The following ITGBL1 variants were observed in gnomAD, a reference collection of about 807,000 sequenced individuals.
ITGBL1 encodes integrin beta-like protein 1.
In ITGBL1, 51 loss-of-function variants were observed where a neutral mutation model predicts 68.5. The ratio of observed to expected loss-of-function variants is 0.74; its 90% CI spans 0.59 to 0.94. The LOEUF is 0.94. Among genes scored for constraint, ITGBL1 ranks in the 40% least tolerant of loss-of-function variants. The pLI, the probability that ITGBL1 is intolerant of heterozygous loss-of-function variation, is 0.00. For synonymous variants in ITGBL1, 209 were observed against 227.3 expected (o/e 0.92, Z 0.72); for missense variants, 649 against 647.4 (o/e 1.00, Z -0.03).
At chr13:101,643,198 A>C (rs1228520203) in intron 7 of ITGBL1, among the ~76,000 whole-genome samples, 1 of 151,488 alleles carries the variant, frequency 6.6e-6, no homozygotes, top group Non-Finnish European at 1.5e-5. Context: ...ACCCATGAGC[A>C]TGGAATGTTC....
chr13:101,641,446 CTATT>C (rs1204872110), intron 7 of ITGBL1, among the ~76,000 whole-genome samples: 6 of 151,612 alleles, frequency 4.0e-5, no homozygotes, highest in East Asian at 3.8e-4. Flanking sequence ...TTTTGATTGT[CTATT>C]TATGTCATTG....
intron 2 of ITGBL1, among the ~76,000 whole-genome samples, chr13:101,466,788 T>C (rs566185790): frequency 2.0e-5 from 3 of 152,344 alleles, no homozygotes; most frequent in East Asian, 3.9e-4. Context: ...CCTGGAGCTC[T>C]GCTTTGTATG....
intron 7 of ITGBL1, among the ~76,000 whole-genome samples, chr13:101,671,619 T>C (rs2033377432): frequency 6.6e-6 from 1 of 150,804 alleles, no homozygotes; most frequent in African/African-American, 2.4e-5. Flanking sequence ...TTTGTATTTT[T>C]AGTAGAGGCG....
chr13:101,701,384 T>C (rs977203906), intron 8 of ITGBL1, among the ~76,000 whole-genome samples: 1 of 151,924 alleles, frequency 6.6e-6, no homozygotes, highest in Non-Finnish European at 1.5e-5. Flanking sequence ...AATACAAAAA[T>C]TAGCTGGGCG....
intron 7 of ITGBL1, among the ~76,000 whole-genome samples, chr13:101,640,631 A>T (rs1308222644): frequency 6.6e-6 from 1 of 152,068 alleles, no homozygotes; most frequent in African/African-American, 2.4e-5. Context: ...AAAACCTTCA[A>T]CTTCCATTTT....
At chr13:101,625,788 A>G (rs2031751824) in intron 7 of ITGBL1, among the ~76,000 whole-genome samples, 1 of 152,160 alleles carries the variant, frequency 6.6e-6, no homozygotes, top group African/African-American at 2.4e-5. Context: ...TCCTGACCTC[A>G]GGTGATCCAC....
At chr13:101,520,664 G>A (rs888653231) in intron 2 of ITGBL1, among the ~76,000 whole-genome samples, 1 of 152,160 alleles carries the variant, frequency 6.6e-6, no homozygotes, top group African/African-American at 2.4e-5. Context: ...AAGGATGTGG[G>A]ACCCTGCAAG....
chr13:101,583,896 C>A (rs974021891), intron 6 of ITGBL1, among the ~76,000 whole-genome samples: 5 of 152,150 alleles, frequency 3.3e-5, no homozygotes, highest in African/African-American at 7.2e-5. Flanking sequence ...TAATTCCTCA[C>A]CCAGGAGAAC....
At chr13:101,495,230 C>A (rs1295173461) in intron 2 of ITGBL1, among the ~76,000 whole-genome samples, 1 of 152,158 alleles carries the variant, frequency 6.6e-6, no homozygotes, top group Non-Finnish European at 1.5e-5. Context: ...GGAATGGTGG[C>A]TGAGACAAAA....
chr13:101,530,252 TAGAG>T (rs955893544), intron 2 of ITGBL1, among the ~76,000 whole-genome samples: 14 of 151,456 alleles, frequency 9.2e-5, no homozygotes, highest in South Asian at 6.3e-4. Flanking sequence ...TAATTATATA[TAGAG>T]AGAGAGAGAG....
At chr13:101,560,552 TAAAAC>T (rs891185877) in intron 2 of ITGBL1, among the ~76,000 whole-genome samples, 1 of 152,206 alleles carries the variant, frequency 6.6e-6, no homozygotes, top group African/African-American at 2.4e-5. Context: ...TTTTTAGTCT[TAAAAC>T]AAGTAACAGT....
At chr13:101,503,233 A>G (rs2048972665) in intron 2 of ITGBL1, among the ~76,000 whole-genome samples, 1 of 152,212 alleles carries the variant, frequency 6.6e-6, no homozygotes, top group Non-Finnish European at 1.5e-5. Flanking sequence ...ATGGTTGTGC[A>G]CTTAGTGTTG....
intron 2 of ITGBL1, among the ~76,000 whole-genome samples, chr13:101,534,523 T>G (rs1265169538): frequency 6.6e-6 from 1 of 152,104 alleles, no homozygotes; most frequent in Non-Finnish European, 1.5e-5. Context: ...GTTTCCTGTT[T>G]CCTCTAAAAA....
At chr13:101,653,931 C>T (rs1488678792) in intron 7 of ITGBL1, among the ~76,000 whole-genome samples, 10 of 145,640 alleles carry the variant, frequency 6.9e-5, no homozygotes, top group East Asian at 2.0e-4. Flanking sequence ...AGGATGGTCT[C>T]GATCTCTTGA....
At chr13:101,538,845 C>G (rs1350260052) in intron 2 of ITGBL1, among the ~76,000 whole-genome samples, 1 of 151,972 alleles carries the variant, frequency 6.6e-6, no homozygotes, top group Non-Finnish European at 1.5e-5. Context: ...GACAAACACT[C>G]TTAAGCAGTT....
At chr13:101,495,877 A>C (rs965347079) in intron 2 of ITGBL1, among the ~76,000 whole-genome samples, 1 of 152,190 alleles carries the variant, frequency 6.6e-6, no homozygotes, top group Non-Finnish European at 1.5e-5. Flanking sequence ...CAGGACAAAT[A>C]ATACTGTAAT....
At position 101,671,426 on chromosome 13, in the gene ITGBL1, G is replaced by GTTTTTTTTTTTTTTTTTTTTTTTT. The variant is rs66501713; in HGVS notation, c.1016-21149_1016-21148insTTTTTTTTTTTTTTTTTTTTTTTT. 5.3e-5 allele frequency among the ~76,000 whole-genome samples: 6 copies of GTTTTTTTTTTTTTTTTTTTTTTTT among 112,658 alleles called. 1 individual carries two copies. Among genetic ancestry groups the GTTTTTTTTTTTTTTTTTTTTTTTT allele is most frequent in the Admixed American group, 1.1e-4 (1 of 9,134 alleles). 73.9% of individuals were successfully genotyped at this position (112,658 alleles called of 152,430 possible). ...AGCTATTTGACAAAAGTATACCTTT[G>GTTTTTTTTTTTTTTTTTTTTTTTT]TTTTTTTTTTGTTTTTTTTTGTTTT... On this transcript the variant is annotated intron_variant, in intron 7 of 10. Coordinates refer to ENST00000376180, the MANE Select transcript of ITGBL1 (RefSeq NM_004791.3).
At position 101,579,272 on chromosome 13, in the gene ITGBL1, T is replaced by C. The variant is rs148000473; in HGVS notation, c.587-15T>C. The C allele has an allele frequency of 4.1e-4, 666 of 1,610,894 alleles. 1 individual carries two copies. The African/African-American group carries it at 6.2e-3, about 15-fold the overall frequency. ...TGCTTTTTTCCTCACTGTATAAAAT[T>C]CATTTTGGGTAAAGGCCATGGGAAG... On this transcript the variant is annotated splice_polypyrimidine_tract_variant and intron_variant, in intron 4 of 10. Coordinates refer to ENST00000376180, the MANE Select transcript of ITGBL1 (RefSeq NM_004791.3).
chr13:101,657,993 C>G (rs2032979705), intron 7 of ITGBL1, among the ~76,000 whole-genome samples: 1 of 151,912 alleles, frequency 6.6e-6, no homozygotes, highest in South Asian at 2.1e-4. Flanking sequence ...TGCTTTTATC[C>G]AAAAAATGGT....
Sources: allele counts gnomAD v4.1 joint callset (sites outside exome capture counted in the v4.1 genomes callset), GRCh38; gene constraint gnomAD v4.1.1; transcripts MANE v1.5; gene names NCBI Gene and HGNC (gene_info 2026-07-23, HGNC 2026-07-21).